BLTP3B: variants seen among roughly 807,000 people sequenced by gnomAD.
The protein encoded by BLTP3B is bridge-like lipid transfer protein family member 3B.
chr12:100,039,848 A>C, the BLTP3B span: 3 of 1,455,948 alleles, frequency 2.1e-6, no homozygotes, highest in South Asian at 1.4e-5. Flanking sequence ...AATCTTTAAA[A>C]GTTCCATTGT....
chr12:100,137,070 CA>C, the BLTP3B span, among the ~76,000 whole-genome samples: 1 of 152,226 alleles, frequency 6.6e-6, no homozygotes, highest in Non-Finnish European at 1.5e-5. Flanking sequence ...CTCAGCCTCC[CA>C]AAGTGGTAGG....
chr12:100,136,253 T>C, the BLTP3B span, among the ~76,000 whole-genome samples: 1 of 151,852 alleles, frequency 6.6e-6, no homozygotes, highest in Non-Finnish European at 1.5e-5. Context: ...AGTAAATTTA[T>C]AATCCAAAAA....
At chr12:100,131,684 T>C in the BLTP3B span, among the ~76,000 whole-genome samples, 1 of 152,320 alleles carries the variant, frequency 6.6e-6, no homozygotes, top group Admixed American at 6.5e-5. Flanking sequence ...TCAATTTTAT[T>C]TGAATAACTT....
the BLTP3B span, chr12:100,102,842 T>C: frequency 2.5e-6 from 4 of 1,603,048 alleles, no homozygotes; most frequent in South Asian, 2.3e-5. Context: ...ATTTCCATTA[T>C]TACTTTATCC....
At chr12:100,087,334 T>G in the BLTP3B span, among the ~76,000 whole-genome samples, 65 of 149,196 alleles carry the variant, frequency 4.4e-4, no homozygotes, top group Admixed American at 1.7e-3. Context: ...AGAAAAATAC[T>G]AACTGAGACA....
the BLTP3B span, chr12:100,037,526 T>G: frequency 6.5e-7 from 1 of 1,543,730 alleles, no homozygotes; most frequent in Non-Finnish European, 8.6e-7. Context: ...CCATTTTGTT[T>G]TATTGTCTTT....
the BLTP3B span, among the ~76,000 whole-genome samples, chr12:100,048,854 A>T: frequency 6.6e-6 from 1 of 151,394 alleles, no homozygotes; most frequent in Non-Finnish European, 1.5e-5. Flanking sequence ...CCCCCAAAAA[A>T]TTTATAGATG....
chr12:100,103,508 C>A, the BLTP3B span, among the ~76,000 whole-genome samples: 1 of 151,546 alleles, frequency 6.6e-6, no homozygotes. Flanking sequence ...AATGAACGAA[C>A]AAATGATCAA....
At chr12:100,117,852 T>C in the BLTP3B span, among the ~76,000 whole-genome samples, 72 of 152,294 alleles carry the variant, frequency 4.7e-4, 1 homozygote, top group African/African-American at 1.5e-3. Flanking sequence ...CCAGAGATTC[T>C]GGTGCTCTTG....
chr12:100,116,052 A>G, the BLTP3B span, among the ~76,000 whole-genome samples: 2 of 151,880 alleles, frequency 1.3e-5, no homozygotes, highest in East Asian at 3.9e-4. Context: ...CACACCTGCA[A>G]TCCCAGTTAC....
the BLTP3B span, among the ~76,000 whole-genome samples, chr12:100,120,846 G>A: frequency 6.6e-6 from 1 of 151,950 alleles, no homozygotes; most frequent in Admixed American, 6.6e-5. Context: ...ATTTATACAC[G>A]AATGTTCATA....
At chr12:100,048,734 GGGAGA>G in the BLTP3B span, among the ~76,000 whole-genome samples, 4 of 138,658 alleles carry the variant, frequency 2.9e-5, no homozygotes, top group African/African-American at 1.2e-4. Context: ...AGTAAGGGGG[GGGAGA>G]GAGAGAGAGA....
chr12:100,124,904 A>T, the BLTP3B span, among the ~76,000 whole-genome samples: 1 of 139,798 alleles, frequency 7.2e-6, no homozygotes, highest in African/African-American at 2.6e-5. Context: ...CCTGGGTGAC[A>T]GAGTGAGACC....
At chr12:100,112,418 G>A in the BLTP3B span, among the ~76,000 whole-genome samples, 1 of 152,144 alleles carries the variant, frequency 6.6e-6, no homozygotes, top group South Asian at 2.1e-4. Context: ...GAGCTGGGAG[G>A]ATTGCTTGAG....
chr12:100,115,224 G>A, the BLTP3B span, among the ~76,000 whole-genome samples: 426 of 152,046 alleles, frequency 2.8e-3, 2 homozygotes, highest in Non-Finnish European at 3.4e-3. Flanking sequence ...TGTCCAACAC[G>A]CGAAACCCCG....
the BLTP3B span, among the ~76,000 whole-genome samples, chr12:100,129,774 G>A: frequency 2.6e-5 from 4 of 151,978 alleles, no homozygotes; most frequent in African/African-American, 9.6e-5. Flanking sequence ...ACAAAACATG[G>A]GTGGAAAAAA....
the BLTP3B span, chr12:100,059,828 C>T: frequency 1.4e-5 from 23 of 1,586,984 alleles, no homozygotes; most frequent in South Asian, 2.3e-4. Context: ...TAAATCATTA[C>T]TACTACTTGT....
the BLTP3B span, among the ~76,000 whole-genome samples, chr12:100,095,310 T>C: frequency 2.9e-4 from 44 of 152,336 alleles, no homozygotes; most frequent in Admixed American, 2.7e-3. Flanking sequence ...TCTGCACAGT[T>C]AACTCTCACA....
chr12:100,096,878 A>G, the BLTP3B span, among the ~76,000 whole-genome samples: 1 of 152,130 alleles, frequency 6.6e-6, no homozygotes. Context: ...CCAGGAGCTC[A>G]AGACCAGTCT....
Sources: gnomAD v4.1 joint callset for allele counts (sites outside exome capture counted in the v4.1 genomes callset) on GRCh38, gnomAD v4.1.1 for gene constraint, MANE v1.5 for transcripts, NCBI Gene and HGNC (gene_info 2026-07-23, HGNC 2026-07-21) for gene names.